The following FAM81A variants were observed in gnomAD, a reference collection of about 807,000 sequenced individuals.
FAM81A encodes the protein protein FAM81A.
A neutral mutation model predicts 46.7 loss-of-function variants in FAM81A; 19 were observed. The ratio of observed to expected loss-of-function variants is 0.41; its 90% confidence interval spans 0.28 to 0.60. The LOEUF (loss-of-function observed/expected upper bound fraction) is 0.60. Ranked by LOEUF, FAM81A falls within the 20% of genes least tolerant of loss-of-function variation. The pLI is 0.34. For synonymous variants in FAM81A, 183 were observed against 152.9 expected, an observed-to-expected ratio of 1.20 and a Z score of -1.45; for missense variants, 377 against 453.5, an observed-to-expected ratio of 0.83 and a Z score of 1.53.
chr15:59,462,168 C>A (rs1157225062), intron 3 of FAM81A, among the ~76,000 whole-genome samples: 6 of 150,592 alleles, frequency 4.0e-5, no homozygotes, highest in African/African-American at 1.5e-4. Flanking sequence ...ATGCCACTGC[C>A]CTCCAGCCTG....
intron 3 of FAM81A, among the ~76,000 whole-genome samples, chr15:59,472,171 G>T (rs937037697): frequency 5.3e-5 from 8 of 152,168 alleles, no homozygotes; most frequent in Admixed American, 5.2e-4. Context: ...TCCCTTTCTG[G>T]AATTTAAAAC....
At chr15:59,436,365 G>C (rs1886123691), upstream of FAM81A, among the ~76,000 whole-genome samples, 1 of 152,012 alleles carries the variant, frequency 6.6e-6, no homozygotes, top group African/African-American at 2.4e-5. Context: ...CCAGGAAGGG[G>C]TGCCTTGAGG....
chr15:59,492,445 C>T (rs1328799063), intron 4 of FAM81A, 56 bp downstream of exon 4: 1 of 1,381,320 alleles, frequency 7.2e-7, no homozygotes, highest in Admixed American at 1.9e-5. Context: ...CTATAAACTC[C>T]ATTATAGTGG....
chr15:59,516,568 C>A, intron 7 of FAM81A, 77 bp from the exon 8 acceptor site: 1 of 1,424,494 alleles, frequency 7.0e-7, no homozygotes, highest in Non-Finnish European at 9.6e-7. Flanking sequence ...TGTTGTTAAA[C>A]GATATTATGG....
At chr15:59,477,134 C>CAA (rs2081782153) in intron 3 of FAM81A, among the ~76,000 whole-genome samples, 1 of 148,696 alleles carries the variant, frequency 6.7e-6, no homozygotes, top group Non-Finnish European at 1.5e-5. Context: ...AAAAAAAAAG[C>CAA]AAAAACAAAC....
rs986920573 is a variant in FAM81A, at chr15:59,408,106, C to G, written c.-78+5748C>G. On this transcript the variant is annotated intron_variant, in intron 2 of 4. Coordinates refer to the FAM81A transcript ENST00000558348. ...CTGGCCTCCTGCTTCTTCGCGACAG[C>G]AGCAGCTGGAGCCACCTTCTTCCCC... is the stretch of plus-strand genomic sequence containing the variant. The G allele has an allele frequency of 2.6e-4, 41 of 160,504 alleles. 1 individual carries two copies. The highest frequency in any genetic ancestry group is 9.9e-4 in the African/African-American group (41 of 41,528). The allele number at this position is 160,504 out of a possible 1,614,324, so 9.9% of individuals were successfully genotyped here.
At chr15:59,498,253 T>A (rs561045007) in intron 4 of FAM81A, among the ~76,000 whole-genome samples, 76 of 152,362 alleles carry the variant, frequency 5.0e-4, no homozygotes, top group African/African-American at 1.8e-3. Context: ...AGTATAAATT[T>A]CACACTTCTT....
chr15:59,462,430 A>G (rs570953636), intron 3 of FAM81A, among the ~76,000 whole-genome samples: 2 of 152,182 alleles, frequency 1.3e-5, no homozygotes, highest in South Asian at 4.2e-4. Context: ...TCATATGCTT[A>G]TTGATCATTT....
intron 1 of FAM81A, among the ~76,000 whole-genome samples, chr15:59,399,840 G>A (rs1405874825): frequency 1.3e-5 from 2 of 152,176 alleles, no homozygotes; most frequent in Non-Finnish European, 1.5e-5. Flanking sequence ...TCCAGGGCAG[G>A]AGGGGAAAGA....
intron 1 of FAM81A, among the ~76,000 whole-genome samples, chr15:59,453,734 C>CAA (rs1330923408): frequency 1.5e-5 from 2 of 130,740 alleles, no homozygotes; most frequent in African/African-American, 5.6e-5. Context: ...GTGGGGAAAG[C>CAA]AAAAAAAAAA....
chr15:59,490,129 A>C (rs139361302), intron 3 of FAM81A, among the ~76,000 whole-genome samples: 1,777 of 152,202 alleles, frequency 0.012, 36 homozygotes, highest in African/African-American at 0.04. Context: ...AAAAAAAAAA[A>C]CTTAAATCTA....
chr15:59,494,255 C>T (rs1311884364), intron 4 of FAM81A, among the ~76,000 whole-genome samples: 8 of 152,266 alleles, frequency 5.3e-5, no homozygotes, highest in Non-Finnish European at 1.0e-4. Flanking sequence ...CTCAGAACAG[C>T]AGGGAGTTAG....
At chr15:59,413,417 AACACACAC>A (rs535000983) in intron 2 of FAM81A, among the ~76,000 whole-genome samples, 8,103 of 134,438 alleles carry the variant, frequency 0.06, 340 homozygotes, top group East Asian at 0.15. Flanking sequence ...GAGAGCATTA[AACACACAC>A]ACACACACAC....
intron 3 of FAM81A, among the ~76,000 whole-genome samples, chr15:59,479,275 G>A (rs2081814919): frequency 6.6e-6 from 1 of 152,130 alleles, no homozygotes; most frequent in South Asian, 2.1e-4. Flanking sequence ...ACTTTTGGGA[G>A]GCCGAGGCGT....
intron 2 of FAM81A, among the ~76,000 whole-genome samples, chr15:59,458,941 TTAG>T (rs1396974047): frequency 2.6e-5 from 4 of 152,244 alleles, no homozygotes. Context: ...AAGTTGCAGA[TTAG>T]GGGCCTATCG....
chr15:59,462,144 A>C (rs558275429), intron 3 of FAM81A, among the ~76,000 whole-genome samples: 1 of 150,884 alleles, frequency 6.6e-6, no homozygotes, highest in African/African-American at 2.4e-5. Context: ...TGCAGCTTGC[A>C]GTGAGCCAAG....
At chr15:59,466,982 G>GT (rs544303331) in intron 3 of FAM81A, among the ~76,000 whole-genome samples, 2,129 of 152,184 alleles carry the variant, frequency 0.014, 40 homozygotes, top group African/African-American at 0.049. Flanking sequence ...CCCATTTCTT[G>GT]TTTTTGTCAG....
rs2082348109 is a variant in FAM81A at position 59,523,543 on chromosome 15, A to G, written c.*2165A>G. On this transcript the variant is annotated 3_prime_UTR_variant, in exon 9 of 9. Transcript: ENST00000288228. The stretch of plus-strand genomic sequence containing the variant: ...AATTTGCAATAAAAAGAAAAATAAA[A>G]TTTTCACATAAATGTGGTGTATGAT... 1 of 152,176 alleles carries G rather than the reference A, an allele frequency of 6.6e-6. No homozygotes were observed. Among genetic ancestry groups the G allele is most frequent in the South Asian group, 2.1e-4 (1 of 4,830 alleles). 9.4% of individuals were successfully genotyped at this position (152,176 alleles called of 1,614,324 possible). A position where few individuals can be genotyped will look rare whatever the true frequency, so the allele number is the denominator to read the frequency against.
intron 3 of FAM81A, among the ~76,000 whole-genome samples, chr15:59,491,365 T>C (rs1439758051): frequency 6.6e-6 from 1 of 151,860 alleles, no homozygotes. Context: ...AGCTAAAAAT[T>C]AAAACAATTG....
Sources: gnomAD v4.1 joint callset for allele counts (sites outside exome capture counted in the v4.1 genomes callset) on GRCh38, gnomAD v4.1.1 for gene constraint, MANE v1.5 for transcripts, NCBI Gene and HGNC (gene_info 2026-07-23, HGNC 2026-07-21) for gene names.